LRRC72: variants seen among roughly 807,000 people sequenced by gnomAD.
LRRC72 encodes leucine rich repeat containing 72.
Under a neutral mutation model 35.8 loss-of-function variants are expected in LRRC72, and 41 were observed. That is an observed-to-expected ratio of 1.15 (90% CI 0.89 to 1.49). The LOEUF (loss-of-function observed/expected upper bound fraction) is 1.49, where lower values mean the gene tolerates loss of function less well. LRRC72 is among the 40% of genes most tolerant of loss of function. The pLI, the probability that LRRC72 is intolerant of heterozygous loss-of-function variation, is 0.00. For synonymous variants in LRRC72, 118 were observed against 119.2 expected, an observed-to-expected ratio of 0.99 and a Z score of 0.07; for missense variants, 389 against 330.7, an observed-to-expected ratio of 1.18 and a Z score of -1.37.
chr7:16,540,016 G>C (rs74770461), intron 3 of LRRC72, among the ~76,000 whole-genome samples: 1 of 152,228 alleles, frequency 6.6e-6, no homozygotes, highest in Non-Finnish European at 1.5e-5. Flanking sequence ...TAGTGGAGTT[G>C]TGAGAAGAGG....
chr7:16,567,257 C>T (rs968258321), intron 6 of LRRC72, 134 bp from the exon 7 acceptor site: 3 of 643,690 alleles, frequency 4.7e-6, no homozygotes. Context: ...AGCCCCTTTA[C>T]AAAACAGTTT....
intron 2 of LRRC72, chr7:16,537,055 C>CT (rs1420028573): frequency 6.6e-5 from 10 of 152,200 alleles, no homozygotes; most frequent in Non-Finnish European, 7.3e-5. Context: ...ACCAAGACCA[C>CT]TTGGATAGGT....
chr7:16,552,224 C>T (rs1782565213), intron 3 of LRRC72, among the ~76,000 whole-genome samples: 1 of 152,170 alleles, frequency 6.6e-6, no homozygotes, highest in Non-Finnish European at 1.5e-5. Context: ...CAAAAGTTTT[C>T]TCAGATCACA....
At chr7:16,559,442 G>C (rs1267965446) in intron 5 of LRRC72, among the ~76,000 whole-genome samples, 3 of 152,012 alleles carry the variant, frequency 2.0e-5, no homozygotes, top group East Asian at 3.9e-4. Context: ...AGATCTTATT[G>C]TCTTTTAAGA....
intron 1 of LRRC72, among the ~76,000 whole-genome samples, chr7:16,529,501 A>G (rs748334401): frequency 6.6e-6 from 1 of 152,174 alleles, no homozygotes; most frequent in Non-Finnish European, 1.5e-5. Context: ...CTGTGCCCCT[A>G]TAACATGGCA....
intron 5 of LRRC72, among the ~76,000 whole-genome samples, chr7:16,565,751 C>G (rs377573783): frequency 6.6e-6 from 1 of 152,136 alleles, no homozygotes; most frequent in African/African-American, 2.4e-5. Context: ...CAGAGGTAGA[C>G]AAGATGCAAG....
intron 3 of LRRC72, among the ~76,000 whole-genome samples, chr7:16,546,331 G>A (rs972808696): frequency 5.9e-5 from 9 of 152,070 alleles, no homozygotes; most frequent in South Asian, 2.1e-4. Context: ...CTACTATTGC[G>A]TTTTGACCTG....
intron 7 of LRRC72, among the ~76,000 whole-genome samples, chr7:16,570,978 T>C (rs1276499024): frequency 1.3e-5 from 2 of 150,088 alleles, no homozygotes; most frequent in Non-Finnish European, 3.0e-5. Context: ...TTGTTTCTGT[T>C]TTTTTTTTTT....
chr7:16,575,381 A>G (rs992430910), intron 7 of LRRC72, among the ~76,000 whole-genome samples: 1 of 152,150 alleles, frequency 6.6e-6, no homozygotes, highest in Non-Finnish European at 1.5e-5. Context: ...AACTAGAAAC[A>G]AGTGTGGGAC....
chr7:16,572,600 C>T (rs546074970), intron 7 of LRRC72, among the ~76,000 whole-genome samples: 1 of 152,314 alleles, frequency 6.6e-6, no homozygotes, highest in South Asian at 2.1e-4. Context: ...TAAAATTCAA[C>T]ACCCCTTCAT....
chr7:16,544,008 G>A (rs570535536), intron 3 of LRRC72, among the ~76,000 whole-genome samples: 1 of 152,274 alleles, frequency 6.6e-6, no homozygotes, highest in Non-Finnish European at 1.5e-5. Context: ...AGCTTATCCT[G>A]TACTTGCATT....
intron 2 of LRRC72, among the ~76,000 whole-genome samples, chr7:16,533,669 T>TA: frequency 6.6e-6 from 1 of 152,110 alleles, no homozygotes; most frequent in Non-Finnish European, 1.5e-5. Context: ...TATTTTATTA[T>TA]AAATAAATAT....
Position 16,579,209 on chromosome 7 carries a change from A to T in LRRC72, c.671-865A>T, listed in dbSNP as rs141883600. Among the ~76,000 whole-genome samples, 75 of 152,334 alleles carry T rather than the reference A, an allele frequency of 4.9e-4. 1 individual carries two copies. The East Asian group carries it at 0.012, about 23-fold the overall frequency. On this transcript the variant is annotated intron_variant, in intron 7 of 8. Transcript: ENST00000401542. ...TTTCACAATGAATACGTATATTAAA[A>T]CATCAAGTCGTACACCTTAAATATA...
chr7:16,541,948 C>G (rs963156715), intron 3 of LRRC72, among the ~76,000 whole-genome samples: 20 of 149,626 alleles, frequency 1.3e-4, no homozygotes, highest in Non-Finnish European at 2.4e-4. Context: ...CAGACAGACA[C>G]ACACACACAC....
chr7:16,551,601 T>G (rs1782550474), intron 3 of LRRC72, among the ~76,000 whole-genome samples: 1 of 152,060 alleles, frequency 6.6e-6, no homozygotes, highest in South Asian at 2.1e-4. Flanking sequence ...TAATAAAGCT[T>G]TCATACAAAT....
At chr7:16,580,998 T>C (rs1029842679) in intron 8 of LRRC72, among the ~76,000 whole-genome samples, 3 of 152,200 alleles carry the variant, frequency 2.0e-5, no homozygotes, top group African/African-American at 7.2e-5. Flanking sequence ...AATAATAATA[T>C]GCATAGATCT....
chr7:16,551,436 G>C (rs1336368338), intron 3 of LRRC72, among the ~76,000 whole-genome samples: 1 of 152,122 alleles, frequency 6.6e-6, no homozygotes, highest in African/African-American at 2.4e-5. Context: ...GCAGCTCCCA[G>C]GCAGCTTCAG....
At chr7:16,530,054 T>C (rs1229321128) in intron 1 of LRRC72, 1 of 152,230 alleles carries the variant, frequency 6.6e-6, no homozygotes, top group African/African-American at 2.4e-5. Flanking sequence ...TTACTTTTTA[T>C]TTATAAATAT....
chr7:16,546,306 G>C (rs1028556471), intron 3 of LRRC72, among the ~76,000 whole-genome samples: 6 of 151,844 alleles, frequency 4.0e-5, no homozygotes, highest in African/African-American at 1.5e-4. Context: ...TTGCCCCTAC[G>C]GTTTTTCAAC....
Sources: allele counts gnomAD v4.1 joint callset (sites outside exome capture counted in the v4.1 genomes callset), GRCh38; gene constraint gnomAD v4.1.1; transcripts MANE v1.5; gene names NCBI Gene and HGNC (gene_info 2026-07-23, HGNC 2026-07-21).